The following RCOR1 variants were observed in gnomAD, a reference collection of about 807,000 sequenced individuals.
The protein encoded by RCOR1 is REST corepressor 1.
In RCOR1, 12 loss-of-function variants were observed where a neutral mutation model predicts 64.0. That is an observed-to-expected ratio of 0.19 (90% CI 0.12 to 0.30). The LOEUF (loss-of-function observed/expected upper bound fraction) is 0.30, where lower values mean the gene tolerates loss of function less well. RCOR1 is among the 10% of genes least tolerant of loss of function. The pLI is 1.00. For missense variants in RCOR1, 502 were observed against 621.2 expected, an observed-to-expected ratio of 0.81 and a Z score of 2.04; for synonymous variants, 279 against 227.2, an observed-to-expected ratio of 1.23 and a Z score of -2.05.
At chr14:102,625,231 CTTTTT>C (rs61403856) in intron 2 of RCOR1, among the ~76,000 whole-genome samples, 7 of 79,182 alleles carry the variant, frequency 8.8e-5, no homozygotes, top group African/African-American at 2.1e-4. Flanking sequence ...TATCTTGTTA[CTTTTT>C]TTTTTTTTTT....
At chr14:102,604,561 G>T (rs1198149089) in intron 2 of RCOR1, among the ~76,000 whole-genome samples, 1 of 152,178 alleles carries the variant, frequency 6.6e-6, no homozygotes, top group Non-Finnish European at 1.5e-5. Context: ...GGAAACAGAG[G>T]CATTGAGAGG....
At chr14:102,648,704 A>G (rs1320371983) in intron 2 of RCOR1, among the ~76,000 whole-genome samples, 1 of 152,208 alleles carries the variant, frequency 6.6e-6, no homozygotes, top group Non-Finnish European at 1.5e-5. Context: ...ATCCAACATC[A>G]TAGGATTCAT....
chr14:102,707,539 AT>A (rs544046280), intron 5 of RCOR1, 27 bp downstream of exon 5: 82 of 1,555,038 alleles, frequency 5.3e-5, no homozygotes, highest in African/African-American at 4.5e-4. Context: ...ACTGAGTTCT[AT>A]TTTTTTTCTC....
chr14:102,624,972 A>G (rs1449840581), intron 2 of RCOR1, among the ~76,000 whole-genome samples: 1 of 151,928 alleles, frequency 6.6e-6, no homozygotes, highest in African/African-American at 2.4e-5. Context: ...CCTGCGCTCA[A>G]GTAATCCTTA....
At chr14:102,597,902 A>C (rs1283923702) in intron 2 of RCOR1, among the ~76,000 whole-genome samples, 1 of 149,680 alleles carries the variant, frequency 6.7e-6, no homozygotes, top group Non-Finnish European at 1.5e-5. Context: ...GGCTCACCTC[A>C]ACCTCCACCT....
intron 2 of RCOR1, chr14:102,657,321 G>A (rs922672164): frequency 1.0e-6 from 1 of 985,274 alleles, no homozygotes; most frequent in Non-Finnish European, 1.2e-6. Context: ...TGTTCAAGGA[G>A]TAATGGCATA....
chr14:102,628,993 C>G (rs1034770956), intron 2 of RCOR1, among the ~76,000 whole-genome samples: 1 of 151,530 alleles, frequency 6.6e-6, no homozygotes, highest in African/African-American at 2.4e-5. Flanking sequence ...TGGGCCCAAG[C>G]GATCCTCCCA....
chr14:102,684,908 A>G (rs914530038), intron 3 of RCOR1, among the ~76,000 whole-genome samples: 1 of 152,204 alleles, frequency 6.6e-6, no homozygotes, highest in East Asian at 1.9e-4. Flanking sequence ...CAATTACTCT[A>G]TTGAAAATTT....
rs553960381 is a variant in RCOR1, at chr14:102,653,920, CTTCTTTCTTTCTTTCTTTCT to C, written c.362-27928_362-27909del. 5.4e-3 allele frequency among the ~76,000 whole-genome samples: 534 copies of C among 98,916 alleles called. 15 individuals carry two copies. Among genetic ancestry groups the C allele is most frequent in the South Asian group, 9.7e-3 (24 of 2,470 alleles). 64.9% of individuals were successfully genotyped at this position (98,916 alleles called of 152,430 possible). A position where few individuals can be genotyped will look rare whatever the true frequency, so the allele number is the denominator to read the frequency against. ...TACCTAGTCTCATCTCAGGTATTTC[CTTCTTTCTTTCTTTCTTTCT>C]TTCTTTCTTTCTTTCTTTCTTTCTT... On this transcript the variant is annotated intron_variant, in intron 2 of 11. Coordinates refer to ENST00000262241, the MANE Select transcript of RCOR1 (RefSeq NM_015156.4).
chr14:102,718,296 AG>A (rs1366160390), intron 8 of RCOR1, among the ~76,000 whole-genome samples: 2 of 152,134 alleles, frequency 1.3e-5, no homozygotes, highest in East Asian at 3.9e-4. Flanking sequence ...GTGGGGGTGG[AG>A]GTAACCTGTC....
rs554992386 is a variant in RCOR1, at chr14:102,713,590, C to T, written c.859-833C>T. ...AGCCACCATGCCCAGCCACCTGGCC[C>T]GTAGTTTTTTTAAGTATTAAAATGA... On this transcript the variant is annotated intron_variant, in intron 7 of 11. Transcript: ENST00000262241. Among the ~76,000 whole-genome samples, 133 of 152,212 alleles carry T rather than the reference C, an allele frequency of 8.7e-4. 1 individual carries two copies. The highest frequency in any genetic ancestry group is 2.6e-3 in the African/African-American group (108 of 41,528).
At position 102,632,393 on chromosome 14, in the gene RCOR1, A is replaced by G. The variant is rs553281827; in HGVS notation, c.361+39068A>G. 3.9e-3 allele frequency among the ~76,000 whole-genome samples: 579 copies of G among 149,646 alleles called. 2 individuals are homozygous for G. The highest frequency in any genetic ancestry group is 5.8e-3 in the Non-Finnish European group (394 of 67,436). ...CCACCACGCCCGGCTCATTTTTTGT[A>G]TTTTTAGTAGAGACGGGGTTTCAAC... On this transcript the variant is annotated intron_variant, in intron 2 of 11. Transcript: ENST00000262241.
intron 3 of RCOR1, among the ~76,000 whole-genome samples, chr14:102,682,836 A>G (rs764459287): frequency 5.3e-5 from 8 of 152,234 alleles, no homozygotes; most frequent in Non-Finnish European, 1.2e-4. Context: ...TCTGTTTTAC[A>G]GATGGCATCC....
chr14:102,693,199 A>G (rs1280646259), intron 3 of RCOR1, among the ~76,000 whole-genome samples: 3 of 152,132 alleles, frequency 2.0e-5, no homozygotes, highest in African/African-American at 7.2e-5. Flanking sequence ...AGGTTTCTCA[A>G]TTATGTGCAT....
intron 2 of RCOR1, chr14:102,662,454 C>G: frequency 1.8e-6 from 1 of 545,338 alleles, no homozygotes; most frequent in Non-Finnish European, 3.6e-6. Flanking sequence ...TTCTTCATGG[C>G]AGACTCAGTG....
At chr14:102,672,081 C>T (rs551849882) in intron 2 of RCOR1, among the ~76,000 whole-genome samples, 4 of 152,104 alleles carry the variant, frequency 2.6e-5, no homozygotes, top group Non-Finnish European at 4.4e-5. Context: ...GGTTGATGGG[C>T]ATTTGGGTTG....
chr14:102,669,834 A>C (rs118118736), intron 2 of RCOR1, among the ~76,000 whole-genome samples: 9 of 152,228 alleles, frequency 5.9e-5, no homozygotes, highest in African/African-American at 1.9e-4. Context: ...CAGAAGCCAA[A>C]AATTTTGGAG....
At chr14:102,606,689 TG>T (rs1893515065) in intron 2 of RCOR1, among the ~76,000 whole-genome samples, 1 of 150,286 alleles carries the variant, frequency 6.7e-6, no homozygotes, top group Admixed American at 6.7e-5. Context: ...TGGAGTGCAG[TG>T]GCGGGAACAT....
chr14:102,677,163 C>T (rs1895191544), intron 2 of RCOR1, among the ~76,000 whole-genome samples: 1 of 117,652 alleles, frequency 8.5e-6, no homozygotes, highest in African/African-American at 3.0e-5. Context: ...GGGGGCTGAC[C>T]CCCCCCCACC....
Sources: gnomAD v4.1 joint callset for allele counts (sites outside exome capture counted in the v4.1 genomes callset) on GRCh38, gnomAD v4.1.1 for gene constraint, MANE v1.5 for transcripts, NCBI Gene and HGNC (gene_info 2026-07-23, HGNC 2026-07-21) for gene names.